The following FHIT variants were observed in gnomAD, a reference collection of about 807,000 sequenced individuals.
The protein encoded by FHIT is fragile histidine triad diadenosine triphosphatase.
FHIT carries 19 observed loss-of-function variants against 17.9 expected under a neutral mutation model. The ratio of observed to expected loss-of-function variants is 1.06; its 90% CI spans 0.74 to 1.56. FHIT has a LOEUF of 1.56. Ranked by LOEUF, FHIT falls within the 40% of genes most tolerant of loss-of-function variation. FHIT has a pLI of 0.00. For missense variants in FHIT, 248 were observed against 189.2 expected (o/e 1.31, Z -1.82); for synonymous variants, 81 against 69.7 (o/e 1.16, Z -0.81).
At chr3:61,025,166 C>T (rs143812816) in intron 3 of FHIT, among the ~76,000 whole-genome samples, 28 of 152,158 alleles carry the variant, frequency 1.8e-4, no homozygotes, top group African/African-American at 4.6e-4. Context: ...GTTAGACATC[C>T]GAAGATCAAG....
intron 5 of FHIT, among the ~76,000 whole-genome samples, chr3:60,455,786 G>T (rs1048208987): frequency 1.3e-5 from 2 of 152,088 alleles, no homozygotes; most frequent in Admixed American, 1.3e-4. Flanking sequence ...CCAAATGGAG[G>T]AAAATTATTT....
At chr3:60,962,508 C>G (rs1709506411) in intron 3 of FHIT, among the ~76,000 whole-genome samples, 1 of 152,166 alleles carries the variant, frequency 6.6e-6, no homozygotes, top group Non-Finnish European at 1.5e-5. Context: ...TGTCTTGTGC[C>G]AGTTTTCAAA....
intron 5 of FHIT, among the ~76,000 whole-genome samples, chr3:60,331,805 C>T (rs1454277354): frequency 4.6e-5 from 7 of 150,872 alleles, no homozygotes; most frequent in African/African-American, 1.2e-4. Flanking sequence ...GAGATTGCGC[C>T]GTTGCACTCC....
At chr3:61,221,958 C>G (rs776962104) in intron 1 of FHIT, among the ~76,000 whole-genome samples, 1 of 152,164 alleles carries the variant, frequency 6.6e-6, no homozygotes, top group Non-Finnish European at 1.5e-5. Flanking sequence ...TACCCTGAGC[C>G]AAGGGTGACC....
chr3:61,078,422 A>T (rs561717475), intron 2 of FHIT, among the ~76,000 whole-genome samples: 350 of 152,128 alleles, frequency 2.3e-3, no homozygotes, highest in Non-Finnish European at 4.2e-3. Context: ...TTTGCTACCA[A>T]AAAAGGGGGG....
chr3:60,094,189 A>G (rs1190484032), intron 5 of FHIT, among the ~76,000 whole-genome samples: 2 of 152,222 alleles, frequency 1.3e-5, no homozygotes, highest in Non-Finnish European at 2.9e-5. Context: ...TCAATCATTC[A>G]TTTTGTTACA....
intron 4 of FHIT, among the ~76,000 whole-genome samples, chr3:60,538,450 C>G (rs1363645332): frequency 6.6e-6 from 1 of 152,166 alleles, no homozygotes; most frequent in Admixed American, 6.5e-5. Context: ...CTCTAAAGTT[C>G]ATATGGAACC....
intron 5 of FHIT, among the ~76,000 whole-genome samples, chr3:60,368,705 T>C (rs180855546): frequency 1.2e-3 from 178 of 152,244 alleles, no homozygotes; most frequent in African/African-American, 3.9e-3. Flanking sequence ...ATTTTTTCTT[T>C]TATAGCTAGT....
intron 5 of FHIT, among the ~76,000 whole-genome samples, chr3:60,191,598 T>A (rs1018157935): frequency 6.6e-6 from 1 of 152,030 alleles, no homozygotes; most frequent in South Asian, 2.1e-4. Context: ...CACAGAAAAG[T>A]AGTATTTTTT....
At chr3:61,108,665 G>C (rs2036062937) in intron 2 of FHIT, among the ~76,000 whole-genome samples, 1 of 152,172 alleles carries the variant, frequency 6.6e-6, no homozygotes, top group Non-Finnish European at 1.5e-5. Context: ...TGGTCTCCCT[G>C]TGTCACAAGG....
rs554519114 is a variant in FHIT, at chr3:60,729,536, C to T, written c.-18+92383G>A. Among the ~76,000 whole-genome samples, 10 of 152,242 alleles carry T rather than the reference C, an allele frequency of 6.6e-5. No individual in the cohort carries two copies. In the South Asian group the frequency reaches 1.0e-3, roughly 16 times the overall value. On this transcript the variant is annotated intron_variant, in intron 4 of 9. Transcript: ENST00000492590. ...AAAGTGCCCAGCCTGGCAGCATACA[C>T]CCAAGCCAGAGAGCTCTGCCATGAG... is the stretch of plus-strand genomic sequence containing the variant.
chr3:59,818,605 C>A (rs1017252000), intron 8 of FHIT, among the ~76,000 whole-genome samples: 2 of 152,124 alleles, frequency 1.3e-5, no homozygotes, highest in Non-Finnish European at 2.9e-5. Flanking sequence ...ACCCGGCAGC[C>A]CTTTACAAAA....
chr3:60,558,622 A>G (rs1434772607), intron 4 of FHIT, among the ~76,000 whole-genome samples: 1 of 152,126 alleles, frequency 6.6e-6, no homozygotes. Context: ...ACCTCCAGTC[A>G]AAAAAGTAAA....
chr3:59,988,355 C>T (rs1394219832), intron 7 of FHIT, among the ~76,000 whole-genome samples: 1 of 152,206 alleles, frequency 6.6e-6, no homozygotes, highest in East Asian at 1.9e-4. Context: ...GTATTTCTCT[C>T]ACCTCTTATG....
chr3:60,541,275 C>A (rs557992374), intron 4 of FHIT, among the ~76,000 whole-genome samples: 2 of 152,286 alleles, frequency 1.3e-5, no homozygotes, highest in East Asian at 3.9e-4. Flanking sequence ...AAGTATCATG[C>A]AAGTGGCAGT....
intron 3 of FHIT, among the ~76,000 whole-genome samples, chr3:60,932,947 A>C (rs1708036863): frequency 6.6e-6 from 1 of 152,190 alleles, no homozygotes; most frequent in African/African-American, 2.4e-5. Flanking sequence ...CCCAGAAACA[A>C]ACCCTAGGAG....
At chr3:61,101,112 T>G (rs1253217032) in intron 2 of FHIT, among the ~76,000 whole-genome samples, 1 of 152,218 alleles carries the variant, frequency 6.6e-6, no homozygotes, top group African/African-American at 2.4e-5. Context: ...GCTTTTGGTG[T>G]TTTAGTCATG....
At chr3:61,054,915 G>T (rs1187385554) in intron 2 of FHIT, among the ~76,000 whole-genome samples, 2 of 152,106 alleles carry the variant, frequency 1.3e-5, no homozygotes, top group Non-Finnish European at 2.9e-5. Flanking sequence ...CCTTGTACAT[G>T]CTATTCCTCT....
chr3:60,354,664 A>C (rs1053158726), intron 5 of FHIT, among the ~76,000 whole-genome samples: 2 of 152,180 alleles, frequency 1.3e-5, no homozygotes, highest in Admixed American at 6.5e-5. Context: ...ATTCTATATC[A>C]AAGCCAACTA....
Sources: gnomAD v4.1 joint callset for allele counts (sites outside exome capture counted in the v4.1 genomes callset) on GRCh38, gnomAD v4.1.1 for gene constraint, MANE v1.5 for transcripts, NCBI Gene and HGNC (gene_info 2026-07-23, HGNC 2026-07-21) for gene names.